The following PRKX variants were observed in gnomAD, a reference collection of about 807,000 sequenced individuals.
PRKX encodes cAMP-dependent protein kinase catalytic subunit PRKX.
A neutral mutation model predicts 22.0 loss-of-function variants in PRKX; 12 were observed. The observed-to-expected ratio is 0.54, with a 90% CI of 0.35 to 0.88. The LOEUF is 0.88. PRKX is among the 40% of genes least tolerant of loss of function. The pLI is 0.01. For missense variants in PRKX, 217 were observed against 308.0 expected (o/e 0.70, Z 2.21); for synonymous variants, 134 against 137.7 (o/e 0.97, Z 0.19).
intron 2 of PRKX, among the ~76,000 whole-genome samples, 194 bp from the exon 3 acceptor site, chrX:3,655,606 T>G (rs774837688): frequency 1.2e-4 from 13 of 112,470 alleles, no homozygotes; most frequent in Non-Finnish European, 3.8e-5. Context: ...TGTTAATATA[T>G]GGGTACAGAT....
intron 3 of PRKX, among the ~76,000 whole-genome samples, chrX:3,645,522 T>C (rs1222171495): frequency 2.7e-5 from 3 of 112,005 alleles, no homozygotes; most frequent in Admixed American, 9.5e-5. Context: ...TGGGGAATAA[T>C]TGCTTAACAG....
chrX:3,644,205 T>C, intron 3 of PRKX, among the ~76,000 whole-genome samples: 1 of 91,014 alleles, frequency 1.1e-5, no homozygotes, highest in Admixed American at 1.4e-4. Context: ...TCAGACCAGC[T>C]TGGACAACAC....
In PRKX at chrX:3,605,414, T is replaced by C. The variant is rs967706608; in HGVS notation, c.*3555A>G. Reference sequence around the variant, plus strand: ...ACTCAGTAGCTGGAGCAATGAATGATTGTGACATTCTGGTGGGGTATTTGT... The same window carrying C: ...ACTCAGTAGCTGGAGCAATGAATGACTGTGACATTCTGGTGGGGTATTTGT... On this transcript the variant is annotated 3_prime_UTR_variant, in exon 9 of 9. Transcript: ENST00000262848. 1.8e-5 allele frequency: 2 copies of C among 112,084 alleles called. No homozygotes were observed. The highest frequency in any genetic ancestry group is 3.8e-5 in the Non-Finnish European group (2 of 53,231). 9.2% of individuals were successfully genotyped at this position (112,084 alleles called of 1,213,427 possible). A position where few individuals can be genotyped will look rare whatever the true frequency, so the allele number is the denominator to read the frequency against.
At chrX:3,688,898 C>G (rs983229871) in intron 1 of PRKX, among the ~76,000 whole-genome samples, 1 of 108,231 alleles carries the variant, frequency 9.2e-6, no homozygotes, top group Non-Finnish European at 1.9e-5. Context: ...AAGTGAGGCT[C>G]TTCTCCATAA....
chrX:3,637,138 A>C (rs1926908090), intron 4 of PRKX, among the ~76,000 whole-genome samples: 1 of 106,672 alleles, frequency 9.4e-6, no homozygotes, highest in African/African-American at 3.4e-5. Flanking sequence ...AAGGGAAGGA[A>C]AGGAAAGGGA....
chrX:3,629,552 C>G (rs1221950994), intron 4 of PRKX, among the ~76,000 whole-genome samples: 1 of 110,992 alleles, frequency 9.0e-6, no homozygotes, highest in East Asian at 2.8e-4. Flanking sequence ...GCCACCACAC[C>G]CATTACTGAA....
At chrX:3,672,500 C>T (rs1927866913) in intron 2 of PRKX, among the ~76,000 whole-genome samples, 1 of 110,975 alleles carries the variant, frequency 9.0e-6, no homozygotes, top group African/African-American at 3.3e-5. Context: ...TCAAGAATTC[C>T]ATCCTGGGGA....
In PRKX at chrX:3,667,187, G is replaced by A. The variant is rs1455150378; in HGVS notation, c.335+7411C>T. Reference sequence around the variant, plus strand: ...AGCTGACAGCAGCACTTTTCCATCCGCGAAGCTGATCTGCAGTCTTTTATT... The same window carrying A: ...AGCTGACAGCAGCACTTTTCCATCCACGAAGCTGATCTGCAGTCTTTTATT... On this transcript the variant is annotated intron_variant, in intron 2 of 8. Transcript: ENST00000262848. 3.6e-5 allele frequency: 4 copies of A among 111,436 alleles called. 1 individual carries two copies. The highest frequency in any genetic ancestry group is 2.8e-4 in the East Asian group (1 of 3,556). The allele number at this position is 111,436 out of a possible 1,213,427, so 9.2% of individuals were successfully genotyped here. A position where few individuals can be genotyped will look rare whatever the true frequency, so the allele number is the denominator to read the frequency against.
At chrX:3,689,906 G>A (rs1310823535) in intron 1 of PRKX, among the ~76,000 whole-genome samples, 1 of 111,060 alleles carries the variant, frequency 9.0e-6, no homozygotes. Flanking sequence ...GAACCCGGGA[G>A]GCAGAGCTTG....
chrX:3,673,414 G>A (rs771935406), intron 2 of PRKX, among the ~76,000 whole-genome samples: 3 of 111,063 alleles, frequency 2.7e-5, no homozygotes, highest in South Asian at 3.8e-4. Flanking sequence ...TACTTCAGGA[G>A]TACCCTGAGG....
chrX:3,658,242 C>T (rs1258550856), intron 2 of PRKX, among the ~76,000 whole-genome samples: 3 of 111,089 alleles, frequency 2.7e-5, no homozygotes, highest in Admixed American at 9.6e-5. Flanking sequence ...CCACCCGCCT[C>T]GGCCTCCAGA....
chrX:3,681,059 G>A (rs1281406126), intron 1 of PRKX, among the ~76,000 whole-genome samples: 1 of 109,535 alleles, frequency 9.1e-6, no homozygotes, highest in Non-Finnish European at 1.9e-5. Context: ...GCAACAGAAT[G>A]AAACCCTGTC....
At chrX:3,615,742 C>T in intron 7 of PRKX, 73 bp downstream of exon 7, 1 of 855,712 alleles carries the variant, frequency 1.2e-6, no homozygotes. Flanking sequence ...TAAAGAAGTC[C>T]CAGGATTCAG....
At chrX:3,692,183 T>A (rs1928343212) in intron 1 of PRKX, among the ~76,000 whole-genome samples, 1 of 108,453 alleles carries the variant, frequency 9.2e-6, no homozygotes, top group Non-Finnish European at 1.9e-5. Flanking sequence ...CTAAAGCAGG[T>A]TCTCTCAGCC....
intron 1 of PRKX, among the ~76,000 whole-genome samples, chrX:3,695,430 T>C (rs1267053606): frequency 1.8e-5 from 2 of 111,645 alleles, no homozygotes; most frequent in African/African-American, 3.3e-5. Flanking sequence ...TTTTTGTTTT[T>C]GAGACAGGAT....
chrX:3,713,207 G>C lies in PRKX; in HGVS notation c.47C>G (p.Ser16Cys). 9.2e-7 allele frequency: 1 copy of C among 1,085,930 alleles called. No homozygotes were observed. The highest frequency in any genetic ancestry group is 4.0e-5 in the East Asian group (1 of 25,192). The allele number at this position is 1,085,930 out of a possible 1,213,427, so 89.5% of individuals were successfully genotyped here. ...GGGGGTCTCCTCCGCCACCTTGCGGGAGTCGCTCTCCGCCGCGGCCGCCTG... is the reference window on the plus strand; with the variant it reads ...GGGGGTCTCCTCCGCCACCTTGCGGCAGTCGCTCTCCGCCGCGGCCGCCTG... ...LAQAAAAESD[S>C]RKVAEETPDG... Residue 16 changes from serine to cysteine, a missense_variant, in exon 1 of 9, where the codon TCC (serine) becomes TGC (cysteine). Transcript: ENST00000262848.
intron 1 of PRKX, among the ~76,000 whole-genome samples, chrX:3,711,892 G>A (rs1928798602): frequency 9.1e-6 from 1 of 110,434 alleles, no homozygotes; most frequent in African/African-American, 3.3e-5. Flanking sequence ...AAGAGAGAGA[G>A]AATGAGATAA....
intron 1 of PRKX, among the ~76,000 whole-genome samples, chrX:3,677,115 G>C (rs368171279): frequency 4.5e-5 from 5 of 111,070 alleles, no homozygotes; most frequent in African/African-American, 9.8e-5. Flanking sequence ...AGAGGGTAGG[G>C]CTTGAGGGGG....
intron 1 of PRKX, among the ~76,000 whole-genome samples, chrX:3,689,596 C>A (rs895513702): frequency 2.1e-4 from 23 of 112,024 alleles, no homozygotes; most frequent in Non-Finnish European, 3.8e-4. Flanking sequence ...AGGAGGATCA[C>A]TTGAGCCCAG....
Sources: allele counts gnomAD v4.1 joint callset (sites outside exome capture counted in the v4.1 genomes callset), GRCh38; gene constraint gnomAD v4.1.1; transcripts MANE v1.5; gene names NCBI Gene and HGNC (gene_info 2026-07-23, HGNC 2026-07-21).